MYL3: variants seen among roughly 807,000 people sequenced by gnomAD.
MYL3 encodes the protein myosin light chain 3.
MYL3 carries 11 observed loss-of-function variants against 21.3 expected under a neutral mutation model. That is an observed-to-expected ratio of 0.52 (90% confidence interval 0.32 to 0.85). The LOEUF (loss-of-function observed/expected upper bound fraction) is 0.85. Ranked by LOEUF, MYL3 falls within the 40% of genes least tolerant of loss-of-function variation. MYL3 has a pLI of 0.03. For synonymous variants in MYL3, 88 were observed against 91.6 expected (o/e 0.96, Z 0.22); for missense variants, 206 against 253.3 (o/e 0.81, Z 1.27).
rs1701987402 is a variant in MYL3 at position 46,861,013 on chromosome 3, A to C, written c.130-26T>G. The C allele has an allele frequency of 6.2e-7, 1 of 1,613,878 alleles. No homozygotes were observed. Among genetic ancestry groups the C allele is most frequent in the Non-Finnish European group, 8.5e-7 (1 of 1,179,946 alleles). On this transcript the variant is annotated intron_variant, in intron 1 of 6. Coordinates refer to ENST00000292327, the MANE Select transcript of MYL3 (RefSeq NM_000258.3). The surrounding 1 kb of genome is among the most constrained non-coding windows in gnomAD (Gnocchi z 4.2). Reference sequence around the variant, plus strand: ...CTGAAAAGAGACCCCAAAGACTCAGATGCCCGGCTTAAAAGGTGGGGCCAC... The same window carrying C: ...CTGAAAAGAGACCCCAAAGACTCAGCTGCCCGGCTTAAAAGGTGGGGCCAC...
intron 1 of MYL3, among the ~76,000 whole-genome samples, chr3:46,868,868 CAGT>C (rs1702074880): frequency 6.6e-6 from 1 of 152,198 alleles, no homozygotes; most frequent in Admixed American, 6.5e-5. Context: ...GAGTGAGCAT[CAGT>C]TGGGTCTGTG....
At chr3:46,880,792 G>GA (rs2030508702) in intron 1 of MYL3, among the ~76,000 whole-genome samples, 1 of 152,196 alleles carries the variant, frequency 6.6e-6, no homozygotes, top group Non-Finnish European at 1.5e-5. Context: ...AATACATGGG[G>GA]AATGCACCTG....
Position 46,860,639 on chromosome 3 carries a change from T to G in MYL3, c.307+37A>C, listed in dbSNP as rs2227294. 0.19 allele frequency: 298,818 copies of G among 1,609,092 alleles called. 48,643 individuals carry two copies. The highest frequency in any genetic ancestry group is 0.79 in the African/African-American group (58,841 of 74,918). On this transcript the variant is annotated intron_variant, in intron 3 of 6. Coordinates refer to ENST00000292327, the MANE Select transcript of MYL3 (RefSeq NM_000258.3). The surrounding 1 kb of genome is among the most constrained non-coding windows in gnomAD (Gnocchi z 4.6). ...CAGCCCACCCAGCCAGTCTCCCCGG[T>G]ACTAACACTATGGGGGCTCTCGGGC... is the stretch of plus-strand genomic sequence containing the variant.
Position 46,857,918 on chromosome 3 carries a change from G to A in MYL3, c.*197C>T. ...TTATTCATGAGGCCCATGGGGTGGG[G>A]ACAGAGCTGCTGTCACAGGTAAGCA... On this transcript the variant is annotated 3_prime_UTR_variant, in exon 7 of 7. Transcript: ENST00000292327. The surrounding 1 kb of genome is among the most constrained non-coding windows in gnomAD (Gnocchi z 5.0). The A allele has an allele frequency of 2.0e-6, 1 of 495,492 alleles. No individual in the cohort carries two copies. 30.7% of individuals were successfully genotyped at this position (495,492 alleles called of 1,614,324 possible). A position where few individuals can be genotyped will look rare whatever the true frequency, so the allele number is the denominator to read the frequency against.
intron 5 of MYL3, 32 bp from the exon 6 acceptor site, chr3:46,858,304 T>C (rs764301561): frequency 6.2e-7 from 1 of 1,613,546 alleles, no homozygotes; most frequent in Non-Finnish European, 8.5e-7. Context: ...GTGGCAGGAG[T>C]GCAACATGGG....
chr3:46,859,747 G>T lies in MYL3; in HGVS notation c.308-99C>A. 2.9e-6 allele frequency: 4 copies of T among 1,374,176 alleles called. No individual in the cohort carries two copies. The highest frequency in any genetic ancestry group is 4.1e-6 in the Non-Finnish European group (4 of 965,430). The allele number at this position is 1,374,176 out of a possible 1,614,324, so 85.1% of individuals were successfully genotyped here. A position where few individuals can be genotyped will look rare whatever the true frequency, so the allele number is the denominator to read the frequency against. On this transcript the variant is annotated intron_variant, in intron 3 of 6. Transcript: ENST00000292327. This position sits in a 1 kb window ranked among gnomAD's most constrained non-coding sequence, Gnocchi z 4.1. The stretch of plus-strand genomic sequence containing the variant: ...AGGAGCTATCCCCACCTCTCACACA[G>T]TTCTACAACAGTCTACACCAGTTCT...
chr3:46,869,527 C>T lies in MYL3; in HGVS notation c.-217-2927G>A, dbSNP rs889689146. Among the ~76,000 whole-genome samples the T allele has an allele frequency of 3.3e-5, 5 of 152,206 alleles. No individual in the cohort carries two copies. The East Asian group carries it at 5.8e-4, about 18-fold the overall frequency. On this transcript the variant is annotated intron_variant, in intron 1 of 3. Transcript: ENST00000431168. ...GTGAGGACATGCAGACACTGCCACA[C>T]GAGGTGTGAACATGTGTGACTGGAC... is the stretch of plus-strand genomic sequence containing the variant.
upstream of MYL3, chr3:46,863,491 G>T: frequency 1.5e-6 from 2 of 1,314,722 alleles, no homozygotes; most frequent in Non-Finnish European, 1.1e-6. Flanking sequence ...GATACCTCAT[G>T]ACCCCAGCCC....
chr3:46,879,503 G>A lies in MYL3; in HGVS notation c.-218+2571C>T, dbSNP rs575354950. 6.6e-6 allele frequency among the ~76,000 whole-genome samples: 1 copy of A among 152,316 alleles called. No individual in the cohort carries two copies. The highest frequency in any genetic ancestry group is 2.1e-4 in the South Asian group (1 of 4,828). ...CATGCCTGTAATCCCAGCACTTTGG[G>A]AGGCCGAGGCAGGAGGACTGCTTGA... On this transcript the variant is annotated intron_variant, in intron 1 of 3. Coordinates refer to the MYL3 transcript ENST00000431168. This position sits in a 1 kb window ranked among gnomAD's most constrained non-coding sequence, Gnocchi z 4.7.
chr3:46,875,289 C>T (rs929725817), intron 1 of MYL3, among the ~76,000 whole-genome samples: 2 of 152,196 alleles, frequency 1.3e-5, no homozygotes, highest in African/African-American at 4.8e-5. Flanking sequence ...AATCCCAGTG[C>T]TTCCCCTTCC....
chr3:46,872,406 T>TG (rs2029964360), intron 1 of MYL3, among the ~76,000 whole-genome samples: 1 of 152,184 alleles, frequency 6.6e-6, no homozygotes, highest in Non-Finnish European at 1.5e-5. Flanking sequence ...ACAGCCTCTG[T>TG]GGGGGATTTA....
intron 1 of MYL3, among the ~76,000 whole-genome samples, chr3:46,862,210 T>C (rs1336800187): frequency 6.6e-6 from 1 of 152,168 alleles, no homozygotes; most frequent in East Asian, 1.9e-4. Context: ...AGCCTCACCA[T>C]GAGGCCTGCA....
intron 1 of MYL3, among the ~76,000 whole-genome samples, chr3:46,870,841 G>A (rs1337669053): frequency 6.6e-6 from 1 of 152,096 alleles, no homozygotes; most frequent in African/African-American, 2.4e-5. Context: ...GAATCACACT[G>A]AAATGTGTGT....
upstream of MYL3, among the ~76,000 whole-genome samples, chr3:46,863,675 C>T (rs1002650361): frequency 1.3e-5 from 2 of 152,116 alleles, no homozygotes; most frequent in Admixed American, 1.3e-4. Flanking sequence ...GGGACAAAGG[C>T]CACTGCTTAA....
upstream of MYL3, among the ~76,000 whole-genome samples, chr3:46,864,886 G>T (rs867788827): frequency 6.6e-6 from 1 of 152,212 alleles, no homozygotes; most frequent in Non-Finnish European, 1.5e-5. This position sits in a 1 kb window ranked among gnomAD's most constrained non-coding sequence, Gnocchi z 4.7. Context: ...GGCTCTTCCC[G>T]CATGGGGACG....
At chr3:46,863,607 G>T, upstream of MYL3, 1 of 551,970 alleles carries the variant, frequency 1.8e-6, no homozygotes, top group South Asian at 2.0e-5. Flanking sequence ...GGAATGGGTA[G>T]TGGAGGAGGG....
Position 46,879,524 on chromosome 3 carries a change from C to T in MYL3, c.-218+2550G>A, listed in dbSNP as rs1273998969. 6.6e-6 allele frequency among the ~76,000 whole-genome samples: 1 copy of T among 151,758 alleles called. No homozygotes were observed. Among genetic ancestry groups the T allele is most frequent in the Non-Finnish European group, 1.5e-5 (1 of 67,954 alleles). On this transcript the variant is annotated intron_variant, in intron 1 of 3. Coordinates refer to the MYL3 transcript ENST00000431168. This position sits in a 1 kb window ranked among gnomAD's most constrained non-coding sequence, Gnocchi z 4.7. ...TTGGGAGGCCGAGGCAGGAGGACTGCTTGAGCCCAAGAGTTGGAGACCAGT... is the reference window on the plus strand; with the variant it reads ...TTGGGAGGCCGAGGCAGGAGGACTGTTTGAGCCCAAGAGTTGGAGACCAGT...
At chr3:46,869,554 GGTGTGGATAGTCTATGT>G (rs2106921566) in intron 1 of MYL3, among the ~76,000 whole-genome samples, 1 of 152,360 alleles carries the variant, frequency 6.6e-6, no homozygotes, top group South Asian at 2.1e-4. Context: ...TGACTGGACG[GGTGTGGATAGTCTATGT>G]GTGTGTAACC....
intron 1 of MYL3, among the ~76,000 whole-genome samples, chr3:46,878,350 C>G (rs1000318629): frequency 1.3e-5 from 2 of 151,998 alleles, no homozygotes; most frequent in Non-Finnish European, 2.9e-5. Context: ...CCAGAGGGGC[C>G]TAGAAGCCGA....
Sources: allele counts gnomAD v4.1 joint callset (sites outside exome capture counted in the v4.1 genomes callset), GRCh38; gene constraint gnomAD v4.1.1; non-coding constraint Gnocchi (gnomAD v3.1); transcripts MANE v1.5; gene names NCBI Gene and HGNC (gene_info 2026-07-23, HGNC 2026-07-21).